Variants in TRMT11 observed in about 807,000 individuals in gnomAD.
TRMT11 encodes the protein tRNA methyltransferase 11.
Under a neutral mutation model 62.8 loss-of-function variants are expected in TRMT11, and 53 were observed. The ratio of observed to expected loss-of-function variants is 0.84; its 90% confidence interval spans 0.68 to 1.06. The LOEUF is 1.06. Ranked by LOEUF, TRMT11 falls within the 50% of genes least tolerant of loss-of-function variation. TRMT11 has a pLI of 0.00. For synonymous variants in TRMT11, 188 were observed against 190.3 expected (o/e 0.99, Z 0.10); for missense variants, 556 against 553.4 (o/e 1.00, Z -0.05).
chr6:126,078,999 T>G (rs1239045178), intron 17 of TRMT11, among the ~76,000 whole-genome samples: 6 of 152,216 alleles, frequency 3.9e-5, no homozygotes, highest in Non-Finnish European at 8.8e-5. Context: ...GTCTTTTAGA[T>G]GAGTAAACTA....
upstream of TRMT11, among the ~76,000 whole-genome samples, chr6:126,175,845 C>A (rs1244094730): frequency 6.6e-6 from 1 of 152,124 alleles, no homozygotes; most frequent in Non-Finnish European, 1.5e-5. Context: ...TCATAAATTT[C>A]TCCTGAAATG....
At chr6:126,216,934 T>C in the TRMT11 span, among the ~76,000 whole-genome samples, 1 of 152,206 alleles carries the variant, frequency 6.6e-6, no homozygotes, top group South Asian at 2.1e-4. Flanking sequence ...TTTGGTCTTC[T>C]TTTCTTTTGT....
At chr6:126,138,552 T>C (rs1352336866) in intron 21 of TRMT11, among the ~76,000 whole-genome samples, 2 of 152,002 alleles carry the variant, frequency 1.3e-5, no homozygotes, top group Non-Finnish European at 2.9e-5. Context: ...GTTCTGGTGT[T>C]GATAAATGAA....
the TRMT11 span, among the ~76,000 whole-genome samples, chr6:126,224,761 G>A: frequency 6.6e-6 from 1 of 152,212 alleles, no homozygotes; most frequent in South Asian, 2.1e-4. Context: ...ATGCACTGTT[G>A]GTGATAGGGT....
At chr6:126,081,400 A>G (rs1777155381) in intron 17 of TRMT11, among the ~76,000 whole-genome samples, 1 of 152,178 alleles carries the variant, frequency 6.6e-6, no homozygotes, top group South Asian at 2.1e-4. Context: ...TTAGCTTGAC[A>G]TTGCACAAAA....
the TRMT11 span, among the ~76,000 whole-genome samples, chr6:126,250,919 A>C: frequency 2.0e-5 from 3 of 152,198 alleles, no homozygotes; most frequent in Non-Finnish European, 2.9e-5. Context: ...ATTGAATGAA[A>C]GTTGATTGTC....
At chr6:126,046,805 C>T (rs1227784235) in intron 16 of TRMT11, among the ~76,000 whole-genome samples, 5 of 152,168 alleles carry the variant, frequency 3.3e-5, no homozygotes, top group East Asian at 1.9e-4. Context: ...CAATTTAATG[C>T]ACCGTTGTTC....
chr6:126,122,134 C>G (rs1437720319), intron 21 of TRMT11, among the ~76,000 whole-genome samples: 1 of 152,076 alleles, frequency 6.6e-6, no homozygotes, highest in Non-Finnish European at 1.5e-5. Context: ...CCATGTAAGA[C>G]TTTGCTCCCC....
chr6:126,186,327 CT>C (rs200048073), intron 1 of TRMT11, among the ~76,000 whole-genome samples: 64 of 151,380 alleles, frequency 4.2e-4, no homozygotes, highest in East Asian at 1.4e-3. Context: ...AAGCAGTATT[CT>C]TTTTTTTTAT....
intron 7 of TRMT11, among the ~76,000 whole-genome samples, chr6:126,001,617 A>T (rs564301288): frequency 6.6e-6 from 1 of 150,840 alleles, no homozygotes; most frequent in Non-Finnish European, 1.5e-5. Flanking sequence ...ATTTTATTTT[A>T]TTTTTTTTCT....
At chr6:126,032,719 C>T (rs1774438030) in intron 12 of TRMT11, among the ~76,000 whole-genome samples, 1 of 152,124 alleles carries the variant, frequency 6.6e-6, no homozygotes, top group East Asian at 1.9e-4. Flanking sequence ...TAATGTCTGT[C>T]TCTCCCACCA....
intron 21 of TRMT11, among the ~76,000 whole-genome samples, chr6:126,158,332 G>A (rs979106133): frequency 2.1e-4 from 32 of 152,146 alleles, no homozygotes; most frequent in African/African-American, 7.7e-4. Context: ...CTGAATGCAT[G>A]CTCATGGTAT....
At chr6:126,207,478 C>A (rs1234036347), downstream of TRMT11, among the ~76,000 whole-genome samples, 1 of 152,216 alleles carries the variant, frequency 6.6e-6, no homozygotes, top group African/African-American at 2.4e-5. Context: ...TCTTAATTCT[C>A]TTTGGCCTTT....
chr6:126,258,077 G>T, the TRMT11 span: 1 of 1,098,884 alleles, frequency 9.1e-7, no homozygotes, highest in Non-Finnish European at 1.4e-6. Context: ...GTTCATCCAC[G>T]TCAATCTCCA....
chr6:126,021,568 T>C (rs1311714485), intron 12 of TRMT11, among the ~76,000 whole-genome samples: 2 of 152,210 alleles, frequency 1.3e-5, no homozygotes, highest in Non-Finnish European at 2.9e-5. Flanking sequence ...TAAAACAGCA[T>C]TATTAAACAA....
chr6:126,002,911 C>T (rs150271530), intron 7 of TRMT11, among the ~76,000 whole-genome samples: 62 of 152,178 alleles, frequency 4.1e-4, no homozygotes, highest in Middle Eastern at 3.4e-3. Context: ...CAAAAGGTAT[C>T]ATACTGTGTG....
intron 7 of TRMT11, among the ~76,000 whole-genome samples, chr6:126,002,245 T>C (rs755067076): frequency 6.6e-6 from 1 of 152,218 alleles, no homozygotes; most frequent in African/African-American, 2.4e-5. Flanking sequence ...TTTATTCTTA[T>C]ATACTGTGCG....
intron 1 of TRMT11, among the ~76,000 whole-genome samples, chr6:126,179,430 C>T (rs1190229434): frequency 6.6e-6 from 1 of 152,172 alleles, no homozygotes; most frequent in Non-Finnish European, 1.5e-5. Flanking sequence ...CATCAGAGTA[C>T]TCTTACTGTA....
intron 1 of TRMT11, among the ~76,000 whole-genome samples, chr6:126,193,904 A>T (rs964066094): frequency 6.6e-6 from 1 of 151,976 alleles, no homozygotes; most frequent in African/African-American, 2.4e-5. Flanking sequence ...AAAAATTTAA[A>T]TTTTCCTTAT....
Sources: allele counts gnomAD v4.1 joint callset (sites outside exome capture counted in the v4.1 genomes callset), GRCh38; gene constraint gnomAD v4.1.1; transcripts MANE v1.5; gene names NCBI Gene and HGNC (gene_info 2026-07-23, HGNC 2026-07-21).